Variants in TCF20 observed in about 807,000 individuals in gnomAD.
The protein encoded by TCF20 is SPRE-binding protein.
Under a neutral mutation model 148.6 loss-of-function variants are expected in TCF20, and 3 were observed. The ratio of observed to expected loss-of-function variants is 0.02; its 90% CI spans 0.01 to 0.05. TCF20 has a LOEUF of 0.05. TCF20 is among the 10% of genes least tolerant of loss of function. The probability of loss-of-function intolerance (pLI) is 1.00; values close to 1 mark genes in which losing one functional copy is unlikely to be tolerated. For synonymous variants in TCF20, 1,049 were observed against 909.5 expected, an observed-to-expected ratio of 1.15 and a Z score of -2.76; for missense variants, 2,350 against 2,429.3, an observed-to-expected ratio of 0.97 and a Z score of 0.69.
chr22:42,343,277 G>A (rs1219822115), intron 1 of TCF20, among the ~76,000 whole-genome samples: 1 of 152,170 alleles, frequency 6.6e-6, no homozygotes, highest in Non-Finnish European at 1.5e-5. Context: ...TACTTCAGAG[G>A]AACGGTCACC....
In TCF20 at chr22:42,270,593, G is replaced by T. The variant is rs529721523; in HGVS notation, c.-291C>A. 6.9e-6 allele frequency among the ~76,000 whole-genome samples: 1 copy of T among 145,858 alleles called. No individual in the cohort carries two copies. Among genetic ancestry groups the T allele is most frequent in the African/African-American group, 2.5e-5 (1 of 40,706 alleles). ...GCGGAGGCCGCGGCCGCCTCGCAGG[G>T]GCCGAAAGCGGCTGGGCTCGGGGTT... is the stretch of plus-strand genomic sequence containing the variant. On this transcript the variant is annotated 5_prime_UTR_variant, in exon 1 of 6. Coordinates refer to ENST00000677622, the MANE Select transcript of TCF20 (RefSeq NM_001378418.1).
intron 2 of TCF20, among the ~76,000 whole-genome samples, chr22:42,208,823 C>A (rs1938569914): frequency 6.6e-6 from 1 of 152,166 alleles, no homozygotes; most frequent in Admixed American, 6.6e-5. Flanking sequence ...AGAACTACCA[C>A]ATGACAAATT....
chr22:42,225,713 G>A (rs763561093), intron 1 of TCF20, among the ~76,000 whole-genome samples: 1 of 151,898 alleles, frequency 6.6e-6, no homozygotes, highest in African/African-American at 2.4e-5. Flanking sequence ...GTGCTGCTCT[G>A]CCCAAGGGAA....
At chr22:42,245,176 TC>T (rs1214701329) in intron 1 of TCF20, among the ~76,000 whole-genome samples, 3 of 152,122 alleles carry the variant, frequency 2.0e-5, no homozygotes, top group South Asian at 2.1e-4. Flanking sequence ...TACATAGTCT[TC>T]CCCTTTAGTT....
At chr22:42,246,380 G>T (rs1016844514) in intron 1 of TCF20, among the ~76,000 whole-genome samples, 1 of 152,090 alleles carries the variant, frequency 6.6e-6, no homozygotes, top group Non-Finnish European at 1.5e-5. Context: ...AAAGTGCTGG[G>T]ATACAGGCAT....
intron 1 of TCF20, among the ~76,000 whole-genome samples, chr22:42,220,018 A>G (rs549477115): frequency 6.6e-6 from 1 of 152,300 alleles, no homozygotes; most frequent in African/African-American, 2.4e-5. Flanking sequence ...TCCAGAGTCC[A>G]TGTGCCGACC....
intron 1 of TCF20, among the ~76,000 whole-genome samples, chr22:42,333,166 C>T (rs1053211040): frequency 6.6e-6 from 1 of 152,288 alleles, no homozygotes; most frequent in African/African-American, 2.4e-5. Flanking sequence ...TGTGCAGAGG[C>T]TTTAGAGGAC....
intron 1 of TCF20, among the ~76,000 whole-genome samples, chr22:42,309,191 C>G (rs779626294): frequency 9.9e-5 from 15 of 152,218 alleles, no homozygotes; most frequent in Middle Eastern, 3.4e-3. Context: ...GCGGGACAGT[C>G]ACTGGGCTTG....
At chr22:42,179,154 C>A (rs1936623851) in intron 3 of TCF20, among the ~76,000 whole-genome samples, 1 of 151,080 alleles carries the variant, frequency 6.6e-6, no homozygotes, top group African/African-American at 2.4e-5. Context: ...TTTTGGAAAA[C>A]AGTCTGACAG....
At chr22:42,227,160 G>A (rs1016475422) in intron 1 of TCF20, among the ~76,000 whole-genome samples, 2 of 152,078 alleles carry the variant, frequency 1.3e-5, no homozygotes, top group Non-Finnish European at 2.9e-5. Context: ...GCACATGCCC[G>A]TAATCCTAGC....
chr22:42,167,579 G>A (rs1197966285), intron 5 of TCF20, among the ~76,000 whole-genome samples: 3 of 152,146 alleles, frequency 2.0e-5, no homozygotes, highest in East Asian at 3.9e-4. Flanking sequence ...CGCAGGGAGG[G>A]TGAAGGAGCA....
At chr22:42,298,269 G>A (rs1317668049) in intron 1 of TCF20, among the ~76,000 whole-genome samples, 2 of 152,218 alleles carry the variant, frequency 1.3e-5, no homozygotes, top group Non-Finnish European at 2.9e-5. Context: ...AGGACAGGCA[G>A]GGTTTGACAT....
intron 3 of TCF20, among the ~76,000 whole-genome samples, chr22:42,171,913 G>A (rs1936155319): frequency 6.6e-6 from 1 of 152,218 alleles, no homozygotes; most frequent in African/African-American, 2.4e-5. Flanking sequence ...AGGCGCAGGT[G>A]GCTCAGTTCC....
intron 1 of TCF20, among the ~76,000 whole-genome samples, chr22:42,328,360 G>A (rs1461330480): frequency 2.0e-5 from 3 of 152,194 alleles, no homozygotes; most frequent in Non-Finnish European, 4.4e-5. Flanking sequence ...CGCCCTCAGG[G>A]TCCAGGCATG....
chr22:42,212,385 G>T lies in TCF20; in HGVS notation c.2921C>A (p.Ser974Tyr). The change falls in exon 2 of 6, where the codon TCC becomes TAC. Residue 974 changes from serine to tyrosine, a missense_variant. Physicochemically the swap from Ser to Tyr is moderately radical, Grantham distance 144 (BLOSUM62 -2). Coordinates refer to ENST00000677622, the MANE Select transcript of TCF20 (RefSeq NM_001378418.1). ...NASPGAATHDSLSDYGPQDSR... is the reference protein window; with the variant it reads ...NASPGAATHDYLSDYGPQDSR... ...GTCTTGCGGGCCATAGTCTGAAAGG[G>T]AATCATGGGTTGCTGCTCCAGGGCT... 6.2e-7 allele frequency: 1 copy of T among 1,614,234 alleles called. No individual in the cohort carries two copies. Among genetic ancestry groups the T allele is most frequent in the Non-Finnish European group, 8.5e-7 (1 of 1,180,052 alleles).
rs1601495220 is a variant in TCF20, at chr22:42,161,214, A to G, written c.*189T>C. The G allele has an allele frequency of 1.1e-6, 1 of 887,936 alleles. No homozygotes were observed. The highest frequency in any genetic ancestry group is 2.4e-5 in the Admixed American group (1 of 41,486). The allele number at this position is 887,936 out of a possible 1,614,324, so 55.0% of individuals were successfully genotyped here. ...TCTTTCCTGTGGTGTCACTGGTTTG[A>G]GTGTGATGTGAGAACTTAAGGAAGT... On this transcript the variant is annotated 3_prime_UTR_variant, in exon 6 of 6. Transcript: ENST00000677622.
chr22:42,208,737 A>G (rs557219503), intron 2 of TCF20, among the ~76,000 whole-genome samples: 2 of 152,366 alleles, frequency 1.3e-5, no homozygotes, highest in East Asian at 1.9e-4. Context: ...CAGCGGATCA[A>G]TCCAGGAGGT....
intron 1 of TCF20, among the ~76,000 whole-genome samples, chr22:42,296,285 C>T (rs1927235721): frequency 6.6e-6 from 1 of 152,242 alleles, no homozygotes; most frequent in Non-Finnish European, 1.5e-5. Flanking sequence ...GACACATGGA[C>T]ACTCAGCAAG....
chr22:42,161,972 CTTTTTTTT>C (rs3045573), intron 5 of TCF20, among the ~76,000 whole-genome samples: 15 of 75,030 alleles, frequency 2.0e-4, no homozygotes, highest in Middle Eastern at 9.6e-3. Context: ...TAATGACAGT[CTTTTTTTT>C]TTTTTTTTTT....
Sources: gnomAD v4.1 joint callset for allele counts (sites outside exome capture counted in the v4.1 genomes callset) on GRCh38, gnomAD v4.1.1 for gene constraint, MANE v1.5 for transcripts, NCBI Gene and HGNC (gene_info 2026-07-23, HGNC 2026-07-21) for gene names.